CDH18: variants seen among roughly 807,000 people sequenced by gnomAD.
CDH18 encodes the protein cadherin 18.
A neutral mutation model predicts 67.9 loss-of-function variants in CDH18; 31 were observed. The observed-to-expected ratio is 0.46, with a 90% CI of 0.34 to 0.62. CDH18 has a LOEUF of 0.62. Ranked by LOEUF, CDH18 falls within the 20% of genes least tolerant of loss-of-function variation. The probability of loss-of-function intolerance (pLI) is 0.01; values close to 1 mark genes in which losing one functional copy is unlikely to be tolerated. For missense variants in CDH18, 890 were observed against 975.5 expected (o/e 0.91, Z 1.17); for synonymous variants, 362 against 347.2 (o/e 1.04, Z -0.48).
At chr5:19,829,862 T>C (rs1780824191) in intron 3 of CDH18, among the ~76,000 whole-genome samples, 1 of 152,010 alleles carries the variant, frequency 6.6e-6, no homozygotes, top group African/African-American at 2.4e-5. Flanking sequence ...GGGAACAGAA[T>C]AGAGAGGCCA....
intron 3 of CDH18, among the ~76,000 whole-genome samples, chr5:19,801,400 C>A (rs116265062): frequency 0.023 from 3,493 of 152,194 alleles, 89 homozygotes; most frequent in African/African-American, 0.069. Context: ...CCTTATATAT[C>A]ATACTGTTTA....
chr5:19,784,829 C>T (rs1322272563), intron 3 of CDH18, among the ~76,000 whole-genome samples: 1 of 152,146 alleles, frequency 6.6e-6, no homozygotes, highest in Non-Finnish European at 1.5e-5. Flanking sequence ...ATGAAGCCTG[C>T]TACCTGGAGG....
At chr5:20,279,070 T>C (rs1026730806) in intron 1 of CDH18, among the ~76,000 whole-genome samples, 7 of 152,040 alleles carry the variant, frequency 4.6e-5, no homozygotes, top group African/African-American at 1.2e-4. Flanking sequence ...TTACATTGAA[T>C]GTAAATGGGC....
At chr5:20,514,324 G>A (rs958818809) in intron 1 of CDH18, among the ~76,000 whole-genome samples, 3 of 152,072 alleles carry the variant, frequency 2.0e-5, no homozygotes, top group Non-Finnish European at 4.4e-5. Flanking sequence ...AGATTACATG[G>A]CAAGTGAGTC....
chr5:20,502,378 G>T (rs980921400), intron 1 of CDH18, among the ~76,000 whole-genome samples: 1 of 152,046 alleles, frequency 6.6e-6, no homozygotes, highest in Non-Finnish European at 1.5e-5. Flanking sequence ...ACTGCCTCAA[G>T]GATTTTCTTC....
intron 1 of CDH18, among the ~76,000 whole-genome samples, chr5:20,371,629 G>A (rs759611260): frequency 3.9e-5 from 6 of 152,166 alleles, no homozygotes; most frequent in Admixed American, 3.9e-4. Context: ...AAAGGATGTC[G>A]GGAGTATATC....
intron 8 of CDH18, among the ~76,000 whole-genome samples, chr5:19,545,979 T>C (rs1188810428): frequency 6.6e-6 from 1 of 152,102 alleles, no homozygotes; most frequent in East Asian, 1.9e-4. Flanking sequence ...ATAGAGCAGG[T>C]CAGTATCTGT....
intron 1 of CDH18, among the ~76,000 whole-genome samples, chr5:20,503,382 CTAT>C (rs1754458355): frequency 6.6e-6 from 1 of 151,728 alleles, no homozygotes; most frequent in Non-Finnish European, 1.5e-5. Context: ...ATTTTATCAA[CTAT>C]TGTGTTAATA....
chr5:20,224,936 TTC>T (rs1343461343), intron 2 of CDH18, among the ~76,000 whole-genome samples: 2 of 152,094 alleles, frequency 1.3e-5, no homozygotes, highest in Non-Finnish European at 1.5e-5. Context: ...CTTTCTCTCC[TTC>T]TCTCTCTGAT....
At chr5:20,126,897 T>A (rs2126452372) in intron 2 of CDH18, among the ~76,000 whole-genome samples, 1 of 152,302 alleles carries the variant, frequency 6.6e-6, no homozygotes, top group East Asian at 1.9e-4. Flanking sequence ...CAATATGGAA[T>A]TTTCTCTAAA....
intron 2 of CDH18, among the ~76,000 whole-genome samples, chr5:19,994,849 T>TAGAGAGAGAGAGAGAG (rs1186725188): frequency 3.1e-5 from 1 of 32,334 alleles, no homozygotes; most frequent in East Asian, 1.7e-3. Flanking sequence ...TATATATATA[T>TAGAGAGAGAGAGAGAG]ATATATAGAG....
At chr5:20,013,080 T>C (rs942719607) in intron 2 of CDH18, among the ~76,000 whole-genome samples, 1 of 152,108 alleles carries the variant, frequency 6.6e-6, no homozygotes, top group Non-Finnish European at 1.5e-5. Flanking sequence ...AAAGTTTTTT[T>C]AAAAGTAGTT....
chr5:20,550,176 G>A (rs1308331980), intron 1 of CDH18, among the ~76,000 whole-genome samples: 4 of 152,122 alleles, frequency 2.6e-5, no homozygotes. Flanking sequence ...TCTGGCTATT[G>A]TTAATGTGTA....
intron 2 of CDH18, among the ~76,000 whole-genome samples, chr5:20,007,513 G>C (rs1177173443): frequency 6.6e-6 from 1 of 152,034 alleles, no homozygotes; most frequent in Non-Finnish European, 1.5e-5. Context: ...TGAAATCTTT[G>C]AATACGAAAG....
chr5:20,160,968 A>G (rs1246069017), intron 2 of CDH18, among the ~76,000 whole-genome samples: 1 of 152,254 alleles, frequency 6.6e-6, no homozygotes, highest in East Asian at 1.9e-4. Context: ...TTCAGTGTCC[A>G]TGAATAATGT....
intron 1 of CDH18, among the ~76,000 whole-genome samples, chr5:20,434,304 G>A (rs1749001225): frequency 1.3e-5 from 2 of 152,076 alleles, no homozygotes; most frequent in Non-Finnish European, 2.9e-5. Flanking sequence ...TGACACAGCT[G>A]TATGAGAAGA....
rs533469326 is a variant in CDH18, at chr5:20,430,009, A to G, written c.-580+145453T>C. ...CATATAATTTCTTCATTTCCCACCA[A>G]ATTTTCTTGAAATATAGATTACTTC... On this transcript the variant is annotated intron_variant, in intron 1 of 14. Coordinates refer to the CDH18 transcript ENST00000507958. Among the ~76,000 whole-genome samples, 10 of 152,180 alleles carry G rather than the reference A, an allele frequency of 6.6e-5. No homozygotes were observed. In the East Asian group the frequency reaches 1.5e-3, roughly 24 times the overall value.
chr5:19,701,796 C>T (rs114997580), intron 5 of CDH18, among the ~76,000 whole-genome samples: 4,436 of 152,186 alleles, frequency 0.029, 137 homozygotes, highest in Admixed American at 0.076. Context: ...AGACAAAACT[C>T]TTTATCTGAG....
At chr5:19,893,772 AC>A (rs1358622851) in intron 2 of CDH18, among the ~76,000 whole-genome samples, 1 of 152,076 alleles carries the variant, frequency 6.6e-6, no homozygotes, top group Non-Finnish European at 1.5e-5. Flanking sequence ...ATTTTTGCTC[AC>A]CTAAATTCTC....
Sources: allele counts gnomAD v4.1 joint callset (sites outside exome capture counted in the v4.1 genomes callset), GRCh38; gene constraint gnomAD v4.1.1; transcripts MANE v1.5; gene names NCBI Gene and HGNC (gene_info 2026-07-23, HGNC 2026-07-21).